ADGRL3: variants seen among roughly 807,000 people sequenced by gnomAD.
The protein encoded by ADGRL3 is calcium-independent alpha-latrotoxin receptor 3.
In ADGRL3, 62 loss-of-function variants were observed where a neutral mutation model predicts 153.5. The observed-to-expected ratio is 0.40, with a 90% CI of 0.33 to 0.50. The LOEUF (loss-of-function observed/expected upper bound fraction) is 0.50. ADGRL3 is among the 20% of genes least tolerant of loss of function. The probability of loss-of-function intolerance (pLI) is 0.47; values close to 1 mark genes in which losing one functional copy is unlikely to be tolerated. For missense variants in ADGRL3, 1,641 were observed against 1,859.4 expected (o/e 0.88, Z 2.16); for synonymous variants, 710 against 672.5 (o/e 1.06, Z -0.86).
At chr4:61,556,722 A>T (rs1443491537) in intron 4 of ADGRL3, among the ~76,000 whole-genome samples, 2 of 152,212 alleles carry the variant, frequency 1.3e-5, no homozygotes, top group East Asian at 3.9e-4. Context: ...AAGCAGCTGG[A>T]TGTAAAATGA....
At chr4:61,838,038 G>A (rs1477992920) in intron 9 of ADGRL3, among the ~76,000 whole-genome samples, 1 of 151,786 alleles carries the variant, frequency 6.6e-6, no homozygotes, top group Non-Finnish European at 1.5e-5. Flanking sequence ...TTTGTTTGGG[G>A]GAGGGAGCAA....
At chr4:61,597,263 G>T (rs1417144085) in intron 5 of ADGRL3, among the ~76,000 whole-genome samples, 1 of 152,018 alleles carries the variant, frequency 6.6e-6, no homozygotes, top group Non-Finnish European at 1.5e-5. Context: ...ATAAAAAGAA[G>T]AAAATATACT....
intron 7 of ADGRL3, among the ~76,000 whole-genome samples, chr4:61,731,535 T>C (rs1192603912): frequency 6.6e-6 from 1 of 152,104 alleles, no homozygotes; most frequent in African/African-American, 2.4e-5. Flanking sequence ...ATTAGAGCAG[T>C]GTTTCCCATG....
At chr4:61,531,220 C>T (rs1341147398) in intron 4 of ADGRL3, among the ~76,000 whole-genome samples, 2 of 152,126 alleles carry the variant, frequency 1.3e-5, no homozygotes, top group African/African-American at 4.8e-5. Flanking sequence ...TTTCACAGAC[C>T]TGAATCTTGG....
intron 2 of ADGRL3, among the ~76,000 whole-genome samples, chr4:61,463,080 C>CT (rs553522020): frequency 2.1e-3 from 318 of 152,248 alleles, no homozygotes; most frequent in Non-Finnish European, 3.6e-3. Flanking sequence ...TGTGGCTCCT[C>CT]TTAATTTTCC....
At chr4:61,401,943 G>A (rs1048262540) in intron 2 of ADGRL3, among the ~76,000 whole-genome samples, 4 of 152,010 alleles carry the variant, frequency 2.6e-5, no homozygotes, top group African/African-American at 7.2e-5. Context: ...AACACTTTAG[G>A]TGTTGAAGGA....
At chr4:61,456,397 CTATATCTA>C (rs1364743597) in intron 2 of ADGRL3, among the ~76,000 whole-genome samples, 5 of 90,132 alleles carry the variant, frequency 5.5e-5, no homozygotes, top group East Asian at 2.9e-4. Flanking sequence ...ATAGATATAT[CTATATCTA>C]TATATATATA....
At chr4:61,670,286 T>A (rs1372811575) in intron 5 of ADGRL3, among the ~76,000 whole-genome samples, 2 of 151,930 alleles carry the variant, frequency 1.3e-5, no homozygotes, top group Non-Finnish European at 2.9e-5. Flanking sequence ...GAGCAAGACT[T>A]CTCTCAAAAA....
rs373230592 is a variant in ADGRL3 at position 61,532,549 on chromosome 4, C to CGTGTGTGT, written c.259+15032_259+15033insTGTGTGTG. Among the ~76,000 whole-genome samples the CGTGTGTGT allele has an allele frequency of 6.0e-3, 622 of 103,670 alleles. 4 individuals are homozygous for CGTGTGTGT. Among genetic ancestry groups the CGTGTGTGT allele is most frequent in the South Asian group, 0.01 (35 of 3,338 alleles). The allele number at this position is 103,670 out of a possible 152,430, so 68.0% of individuals were successfully genotyped here. A position where few individuals can be genotyped will look rare whatever the true frequency, so the allele number is the denominator to read the frequency against. On this transcript the variant is annotated intron_variant, in intron 4 of 26. Transcript: ENST00000683033. ...TGCTGCATGCGCGCGCGCGCGCGCGCGCGCGCGTGTGTGTGTGTGTGTGTG... is the reference window on the plus strand; with the variant it reads ...TGCTGCATGCGCGCGCGCGCGCGCGCGTGTGTGTGCGCGCGTGTGTGTGTGTGTGTGTG...
intron 11 of ADGRL3, chr4:61,906,362 A>G (rs941716909): frequency 6.6e-6 from 1 of 152,124 alleles, no homozygotes; most frequent in Non-Finnish European, 1.5e-5. Flanking sequence ...ATTAGTGTCA[A>G]TGTACTTGCT....
At chr4:61,359,690 C>A (rs2096252844) in intron 1 of ADGRL3, among the ~76,000 whole-genome samples, 1 of 152,142 alleles carries the variant, frequency 6.6e-6, no homozygotes, top group South Asian at 2.1e-4. Flanking sequence ...ACTTTTATCA[C>A]TGCTCACTGA....
chr4:61,352,632 G>C (rs1216826969), intron 1 of ADGRL3, among the ~76,000 whole-genome samples: 2 of 152,030 alleles, frequency 1.3e-5, no homozygotes, highest in African/African-American at 4.8e-5. Context: ...TGATCCACCC[G>C]CCTCGGCCTC....
At position 61,789,169 on chromosome 4, in the gene ADGRL3, T is replaced by C. The variant is rs566336708; in HGVS notation, c.1400-24640T>C. ...TTTAAAAAAGATAACTATACCTCGA[T>C]TTTAGATTATACTGATTAGAATGAA... is the stretch of plus-strand genomic sequence containing the variant. On this transcript the variant is annotated intron_variant, in intron 8 of 26. Coordinates refer to ENST00000683033, the MANE Select transcript of ADGRL3 (RefSeq NM_001387552.1). Among the ~76,000 whole-genome samples, 4 of 152,296 alleles carry C rather than the reference T, an allele frequency of 2.6e-5. No individual in the cohort carries two copies. The East Asian group carries it at 7.7e-4, about 29-fold the overall frequency.
chr4:61,696,670 C>CTTTTTT lies in ADGRL3; in HGVS notation c.583+19751_583+19756dup, dbSNP rs34306284. 3.3e-3 allele frequency among the ~76,000 whole-genome samples: 340 copies of CTTTTTT among 102,024 alleles called. 1 individual carries two copies. Among genetic ancestry groups the CTTTTTT allele is most frequent in the East Asian group, 4.8e-3 (14 of 2,910 alleles). 66.9% of individuals were successfully genotyped at this position (102,024 alleles called of 152,430 possible). ...TTCCCTAAGTTCCTTTTTTTTTAAC[C>CTTTTTT]TTTTTTTTTTTTTTTTTTTTTGTGA... On this transcript the variant is annotated intron_variant, in intron 6 of 26. Coordinates refer to ENST00000683033, the MANE Select transcript of ADGRL3 (RefSeq NM_001387552.1).
intron 2 of ADGRL3, among the ~76,000 whole-genome samples, chr4:61,439,989 A>G (rs982280836): frequency 1.3e-5 from 2 of 152,088 alleles, no homozygotes; most frequent in African/African-American, 4.8e-5. Context: ...TATCCCCATC[A>G]ATGATGCATC....
At chr4:61,387,208 C>T (rs1032614030) in intron 2 of ADGRL3, among the ~76,000 whole-genome samples, 16 of 152,014 alleles carry the variant, frequency 1.1e-4, no homozygotes, top group Non-Finnish European at 2.1e-4. Context: ...AGGGAGTGTG[C>T]GAAGAGGTGT....
intron 5 of ADGRL3, among the ~76,000 whole-genome samples, chr4:61,672,563 T>C (rs1287768863): frequency 6.6e-6 from 1 of 152,078 alleles, no homozygotes; most frequent in African/African-American, 2.4e-5. Context: ...CCAACAGATA[T>C]ATTAAAAAGT....
intron 5 of ADGRL3, among the ~76,000 whole-genome samples, chr4:61,664,443 A>G (rs1181245134): frequency 6.6e-6 from 1 of 152,206 alleles, no homozygotes; most frequent in African/African-American, 2.4e-5. Context: ...CAATTATCCT[A>G]CACCTCAGTG....
In ADGRL3 at chr4:61,545,624, C is replaced by T. The variant is rs547865402; in HGVS notation, c.259+28106C>T. Among the ~76,000 whole-genome samples the T allele has an allele frequency of 1.0e-3, 158 of 152,274 alleles. 2 individuals are homozygous for T. The highest frequency in any genetic ancestry group is 3.6e-3 in the African/African-American group (150 of 41,562). The stretch of plus-strand genomic sequence containing the variant: ...CGCCTGCCGAGTTCAAGTGATTCTC[C>T]GGCCTCAGCTTCCTGAGTAGCTGGG... On this transcript the variant is annotated intron_variant, in intron 4 of 26. Transcript: ENST00000683033.
Sources: allele counts gnomAD v4.1 joint callset (sites outside exome capture counted in the v4.1 genomes callset), GRCh38; gene constraint gnomAD v4.1.1; transcripts MANE v1.5; gene names NCBI Gene and HGNC (gene_info 2026-07-23, HGNC 2026-07-21).